TSHZ2: variants seen among roughly 807,000 people sequenced by gnomAD.
TSHZ2 encodes the protein teashirt zinc finger homeobox 2.
A neutral mutation model predicts 74.4 loss-of-function variants in TSHZ2; 21 were observed. The ratio of observed to expected loss-of-function variants is 0.28; its 90% confidence interval spans 0.20 to 0.41. The LOEUF (loss-of-function observed/expected upper bound fraction) is 0.41. Among genes scored for constraint, TSHZ2 ranks in the 10% least tolerant of loss-of-function variants. The pLI, the probability that TSHZ2 is intolerant of heterozygous loss-of-function variation, is 1.00. For synonymous variants in TSHZ2, 540 were observed against 515.3 expected (o/e 1.05, Z -0.65); for missense variants, 1,244 against 1,293.5 (o/e 0.96, Z 0.59).
chr20:53,204,861 C>G (rs1989125046), intron 1 of TSHZ2, among the ~76,000 whole-genome samples: 1 of 151,960 alleles, frequency 6.6e-6, no homozygotes, highest in African/African-American at 2.4e-5. Flanking sequence ...GCGGGCGGAT[C>G]ATGAGGTCAG....
intron 1 of TSHZ2, among the ~76,000 whole-genome samples, chr20:53,141,278 C>G (rs1987395113): frequency 6.6e-6 from 1 of 152,294 alleles, no homozygotes; most frequent in South Asian, 2.1e-4. Context: ...CTTCATGGCC[C>G]TTTTTCAGAC....
At chr20:53,025,444 C>T (rs1375707799) in intron 1 of TSHZ2, among the ~76,000 whole-genome samples, 1 of 152,092 alleles carries the variant, frequency 6.6e-6, no homozygotes, top group East Asian at 1.9e-4. Flanking sequence ...TCCAACTAAG[C>T]CCAGATGATG....
chr20:53,436,542 A>ATTTTTTTTTTTTT (rs1227006046), intron 2 of TSHZ2, among the ~76,000 whole-genome samples: 1 of 98,892 alleles, frequency 1.0e-5, no homozygotes, highest in Non-Finnish European at 1.8e-5. Context: ...TATTATTATT[A>ATTTTTTTTTTTTT]TTATTATTTT....
intron 1 of TSHZ2, among the ~76,000 whole-genome samples, chr20:53,041,427 C>T (rs1356390547): frequency 6.6e-6 from 1 of 152,156 alleles, no homozygotes; most frequent in African/African-American, 2.4e-5. Context: ...CAGTCCTAAG[C>T]CTGTTGCTTT....
intron 2 of TSHZ2, among the ~76,000 whole-genome samples, chr20:53,471,109 G>A (rs6022502): frequency 0.2 from 30,720 of 152,118 alleles, 3,281 homozygotes; most frequent in East Asian, 0.29. Flanking sequence ...AGATGGCAAA[G>A]CTTCTGGAGT....
chr20:53,446,179 A>G (rs1984534755), intron 2 of TSHZ2, among the ~76,000 whole-genome samples: 3 of 152,184 alleles, frequency 2.0e-5, no homozygotes, highest in Non-Finnish European at 2.9e-5. Context: ...AACCTCTGCC[A>G]TTGTTATTAC....
intron 1 of TSHZ2, among the ~76,000 whole-genome samples, chr20:53,119,092 TC>T (rs1986742515): frequency 6.6e-6 from 1 of 151,884 alleles, no homozygotes; most frequent in African/African-American, 2.4e-5. Flanking sequence ...TCCAACCACC[TC>T]CCACCAGGCC....
intron 1 of TSHZ2, among the ~76,000 whole-genome samples, chr20:53,171,244 G>A (rs1056980430): frequency 2.0e-4 from 31 of 152,278 alleles, no homozygotes; most frequent in South Asian, 2.1e-4. Context: ...AAATGTTCCC[G>A]TATGTGAATT....
chr20:52,987,359 T>C (rs994880353), intron 1 of TSHZ2, among the ~76,000 whole-genome samples: 1 of 152,214 alleles, frequency 6.6e-6, no homozygotes, highest in African/African-American at 2.4e-5. Flanking sequence ...TCTGGGAATC[T>C]GTACATTAGA....
chr20:53,312,589 G>C (rs922498003), intron 2 of TSHZ2, among the ~76,000 whole-genome samples: 2 of 152,184 alleles, frequency 1.3e-5, no homozygotes, highest in African/African-American at 4.8e-5. Flanking sequence ...CTCTCTAAAA[G>C]AATTCAAATT....
At chr20:53,224,807 G>A (rs189244604) in intron 1 of TSHZ2, among the ~76,000 whole-genome samples, 207 of 147,656 alleles carry the variant, frequency 1.4e-3, no homozygotes, top group African/African-American at 4.0e-3. Flanking sequence ...AGGAGATCAT[G>A]CCACAGCACT....
At chr20:53,044,811 G>T (rs946208304) in intron 1 of TSHZ2, among the ~76,000 whole-genome samples, 33 of 152,090 alleles carry the variant, frequency 2.2e-4, no homozygotes, top group African/African-American at 8.0e-4. Context: ...CTGGGTTCAC[G>T]GGATCCTCCT....
chr20:53,234,282 G>C (rs1313247915), intron 1 of TSHZ2, among the ~76,000 whole-genome samples: 1 of 152,124 alleles, frequency 6.6e-6, no homozygotes, highest in African/African-American at 2.4e-5. Context: ...GGTAAGTTTT[G>C]CTCTCCTTTG....
intron 1 of TSHZ2, among the ~76,000 whole-genome samples, chr20:53,117,702 T>A (rs1404265154): frequency 6.6e-6 from 1 of 152,220 alleles, no homozygotes; most frequent in Non-Finnish European, 1.5e-5. Flanking sequence ...GTTAATGGCA[T>A]TGATCAGTCA....
chr20:53,019,711 G>A lies in TSHZ2; in HGVS notation c.40+46378G>A, dbSNP rs6068431. On this transcript the variant is annotated intron_variant, in intron 1 of 2. Transcript: ENST00000371497. ...AGTTGCCTACTTCCTCCAAGCCTCC[G>A]TTCTTGTTTGTAAAATGAGGACATT... is the stretch of plus-strand genomic sequence containing the variant. Among the ~76,000 whole-genome samples the A allele has an allele frequency of 2.8e-3, 419 of 152,198 alleles. 1 individual carries two copies. The highest frequency in any genetic ancestry group is 4.8e-3 in the Non-Finnish European group (326 of 68,006).
At chr20:53,442,609 G>C (rs6022477) in intron 2 of TSHZ2, among the ~76,000 whole-genome samples, 24,504 of 152,068 alleles carry the variant, frequency 0.16, 2,082 homozygotes, top group East Asian at 0.3. Context: ...CCATCACTCT[G>C]AGAGATCGCT....
intron 1 of TSHZ2, among the ~76,000 whole-genome samples, chr20:53,096,509 C>G (rs946801431): frequency 6.6e-5 from 10 of 152,092 alleles, no homozygotes; most frequent in Admixed American, 2.0e-4. Context: ...AGCAAAGGGG[C>G]AGGCGTGAGA....
At chr20:53,286,726 A>G (rs1252133334) in intron 2 of TSHZ2, among the ~76,000 whole-genome samples, 2 of 152,128 alleles carry the variant, frequency 1.3e-5, no homozygotes, top group African/African-American at 2.4e-5. Context: ...CTTTCTCTAC[A>G]AAAATAATTT....
intron 1 of TSHZ2, among the ~76,000 whole-genome samples, chr20:53,048,190 G>A (rs1442565545): frequency 9.2e-5 from 14 of 152,204 alleles, no homozygotes; most frequent in African/African-American, 3.1e-4. Flanking sequence ...CCCCAGGGTA[G>A]AGCCGATCAA....
Sources: gnomAD v4.1 joint callset for allele counts (sites outside exome capture counted in the v4.1 genomes callset) on GRCh38, gnomAD v4.1.1 for gene constraint, MANE v1.5 for transcripts, NCBI Gene and HGNC (gene_info 2026-07-23, HGNC 2026-07-21) for gene names.